Variants in WBP1L observed in about 807,000 individuals in gnomAD.
The protein encoded by WBP1L is WW domain binding protein 1 like.
WBP1L carries 17 observed loss-of-function variants against 33.7 expected under a neutral mutation model. That is an observed-to-expected ratio of 0.50 (90% CI 0.34 to 0.76). The LOEUF (loss-of-function observed/expected upper bound fraction) is 0.76. WBP1L is among the 30% of genes least tolerant of loss of function. The pLI is 0.01. For missense variants in WBP1L, 389 were observed against 469.4 expected, an observed-to-expected ratio of 0.83 and a Z score of 1.58; for synonymous variants, 173 against 190.8, an observed-to-expected ratio of 0.91 and a Z score of 0.77.
At chr10:102,797,716 C>T (rs1843593320) in intron 1 of WBP1L, among the ~76,000 whole-genome samples, 1 of 152,018 alleles carries the variant, frequency 6.6e-6, no homozygotes, top group South Asian at 2.1e-4. Context: ...CCACGCCTGG[C>T]TAATTTTTAT....
At chr10:102,799,630 C>T (rs11191398) in intron 2 of WBP1L, among the ~76,000 whole-genome samples, 1 of 152,166 alleles carries the variant, frequency 6.6e-6, no homozygotes, top group African/African-American at 2.4e-5. Flanking sequence ...AGAAAGGAGA[C>T]TGCAGGCGGT....
chr10:102,795,311 A>G (rs1310706235), intron 1 of WBP1L, among the ~76,000 whole-genome samples: 1 of 152,196 alleles, frequency 6.6e-6, no homozygotes, highest in Non-Finnish European at 1.5e-5. Flanking sequence ...GACTGACGAT[A>G]TTTTCAATTT....
chr10:102,744,194 G>A, intron 1 of WBP1L, 51 bp downstream of exon 1: 1 of 1,510,362 alleles, frequency 6.6e-7, no homozygotes, highest in Admixed American at 2.1e-5. Context: ...GGTCGTCGAG[G>A]CCTGGCTGGA....
chr10:102,796,930 A>T (rs1843580159), intron 1 of WBP1L, among the ~76,000 whole-genome samples: 1 of 152,158 alleles, frequency 6.6e-6, no homozygotes. Flanking sequence ...GTTCCCCTCC[A>T]TCCTCATCCA....
At chr10:102,756,515 C>T (rs61869257) in intron 1 of WBP1L, among the ~76,000 whole-genome samples, 31,557 of 151,990 alleles carry the variant, frequency 0.21, 3,391 homozygotes, top group Middle Eastern at 0.31. Flanking sequence ...TGTAGATACT[C>T]CTCTGATTTC....
At chr10:102,746,008 C>T (rs11598797) in intron 1 of WBP1L, 44,272 of 292,338 alleles carry the variant, frequency 0.15, 3,467 homozygotes, top group Middle Eastern at 0.22. Context: ...GTAAGTATCT[C>T]GAAAAGGCTG....
chr10:102,766,616 C>T (rs1843114383), intron 1 of WBP1L, among the ~76,000 whole-genome samples: 2 of 151,626 alleles, frequency 1.3e-5, no homozygotes, highest in East Asian at 3.9e-4. Flanking sequence ...GAGCAAGATC[C>T]TGTCTCAAAA....
intron 1 of WBP1L, among the ~76,000 whole-genome samples, chr10:102,791,381 A>G (rs1467496138): frequency 6.6e-6 from 1 of 150,660 alleles, no homozygotes; most frequent in Non-Finnish European, 1.5e-5. Flanking sequence ...CTCCCCTCCC[A>G]CCCCCCGAAT....
In WBP1L at chr10:102,814,107, A is replaced by C. The variant is rs1354859993; in HGVS notation, c.*776A>C. On this transcript the variant is annotated 3_prime_UTR_variant, in exon 4 of 4. Transcript: ENST00000448841. ...GAAAACAAGAACTTCACCGGTGGGCAGGCAAGAATTCTCTTCTGGAAAATG... is the reference window on the plus strand; with the variant it reads ...GAAAACAAGAACTTCACCGGTGGGCCGGCAAGAATTCTCTTCTGGAAAATG... The C allele has an allele frequency of 6.6e-6, 1 of 152,250 alleles. No homozygotes were observed. The highest frequency in any genetic ancestry group is 2.4e-5 in the African/African-American group (1 of 41,476). 9.4% of individuals were successfully genotyped at this position (152,250 alleles called of 1,614,324 possible). A position where few individuals can be genotyped will look rare whatever the true frequency, so the allele number is the denominator to read the frequency against.
chr10:102,780,846 C>G (rs1274136496), intron 1 of WBP1L, among the ~76,000 whole-genome samples: 1 of 152,124 alleles, frequency 6.6e-6, no homozygotes, highest in African/African-American at 2.4e-5. Flanking sequence ...GTGGTAAGTT[C>G]TAGTTGATGG....
chr10:102,760,145 T>G (rs1051932101), intron 1 of WBP1L, among the ~76,000 whole-genome samples: 1 of 152,214 alleles, frequency 6.6e-6, no homozygotes, highest in Admixed American at 6.5e-5. Flanking sequence ...TGGCCATTTG[T>G]GTATCTTCCT....
chr10:102,771,027 G>C (rs1163559580), intron 1 of WBP1L, among the ~76,000 whole-genome samples: 2 of 152,156 alleles, frequency 1.3e-5, no homozygotes, highest in Non-Finnish European at 2.9e-5. Flanking sequence ...CTGAGTAATA[G>C]GGATGGTAAT....
rs1320829090 is a variant in WBP1L at position 102,759,186 on chromosome 10, G to A, written c.90+15043G>A. On this transcript the variant is annotated intron_variant, in intron 1 of 3. Coordinates refer to ENST00000448841, the MANE Select transcript of WBP1L (RefSeq NM_001083913.2). ...TTTCGCGGTCTGCTAAGTAACGGGT[G>A]CCTTCCCAGACACTGGCGTTACCGC... Among the ~76,000 whole-genome samples the A allele has an allele frequency of 9.8e-5, 15 of 152,298 alleles. No individual in the cohort carries two copies. In the South Asian group the frequency reaches 3.1e-3, roughly 32 times the overall value.
chr10:102,801,585 C>G (rs1303438820), intron 2 of WBP1L, among the ~76,000 whole-genome samples: 3 of 152,146 alleles, frequency 2.0e-5, no homozygotes, highest in Non-Finnish European at 2.9e-5. Context: ...AGCCACTCCT[C>G]CCTGTTCTCA....
At chr10:102,775,117 C>CAAAA (rs59486422) in intron 1 of WBP1L, among the ~76,000 whole-genome samples, 1 of 97,296 alleles carries the variant, frequency 1.0e-5, no homozygotes, top group Non-Finnish European at 1.9e-5. Context: ...GACCCTATCT[C>CAAAA]AAAAAAAAAA....
At chr10:102,756,795 C>G (rs1049944892) in intron 1 of WBP1L, among the ~76,000 whole-genome samples, 8 of 152,034 alleles carry the variant, frequency 5.3e-5, no homozygotes, top group Middle Eastern at 3.4e-3. Flanking sequence ...CAGGCCGGGT[C>G]CACTGGCTCA....
At chr10:102,777,277 C>G (rs641204) in intron 1 of WBP1L, among the ~76,000 whole-genome samples, 78,307 of 151,890 alleles carry the variant, frequency 0.52, 21,576 homozygotes, top group Non-Finnish European at 0.62. Flanking sequence ...AGCACACACC[C>G]TCTGCTGCCT....
chr10:102,812,772 A>G lies in WBP1L; in HGVS notation c.533A>G (p.Gln178Arg), dbSNP rs921031893. ...IDPTRGSQGA[Q>R]SSPLSEPSRS... ...CCCACCAGGGGATCCCAGGGGGCAC[A>G]GAGCAGCCCCTTGTCTGAGCCCAGC... Residue 178 changes from glutamine (Q) to arginine (R), a missense_variant, in exon 4 of 4, where the codon CAG becomes CGG. Physicochemically the swap from Gln to Arg is conservative, Grantham distance 43. Coordinates refer to ENST00000448841, the MANE Select transcript of WBP1L (RefSeq NM_001083913.2). The G allele has an allele frequency of 6.2e-7, 1 of 1,612,236 alleles. No homozygotes were observed. The highest frequency in any genetic ancestry group is 1.3e-5 in the African/African-American group (1 of 74,886).
chr10:102,744,489 G>A (rs1842840299), intron 1 of WBP1L: 1 of 985,228 alleles, frequency 1.0e-6, no homozygotes, highest in South Asian at 4.7e-5. Context: ...AGGCAGTAAT[G>A]CAGTATGTAC....
Sources: allele counts gnomAD v4.1 joint callset (sites outside exome capture counted in the v4.1 genomes callset), GRCh38; gene constraint gnomAD v4.1.1; transcripts MANE v1.5; gene names NCBI Gene and HGNC (gene_info 2026-07-23, HGNC 2026-07-21).